Variants in DLG3 observed in about 807,000 individuals in gnomAD.
The protein encoded by DLG3 is disks large homolog 3.
DLG3 carries 1 observed loss-of-function variant against 64.1 expected under a neutral mutation model. That is an observed-to-expected ratio of 0.02 (90% CI 0.01 to 0.07). The LOEUF is 0.07. Ranked by LOEUF, DLG3 falls within the 10% of genes least tolerant of loss-of-function variation. DLG3 has a pLI of 1.00. For synonymous variants in DLG3, 245 were observed against 259.8 expected (o/e 0.94, Z 0.55); for missense variants, 429 against 669.5 (o/e 0.64, Z 3.96).
chrX:70,464,177 C>T (rs911065463), intron 9 of DLG3, among the ~76,000 whole-genome samples: 4 of 101,838 alleles, frequency 3.9e-5, no homozygotes, highest in East Asian at 3.0e-4. Context: ...TATTTCCTTC[C>T]TTCCTTTTTT....
At chrX:70,493,287 AT>A in intron 12 of DLG3, 1 of 768,356 alleles carries the variant, frequency 1.3e-6, no homozygotes, top group South Asian at 2.3e-5. Flanking sequence ...CGTTGTCTCC[AT>A]TTTAGTTTTT....
chrX:70,453,863 C>A, intron 8 of DLG3, 70 bp downstream of exon 8: 2 of 996,789 alleles, frequency 2.0e-6, no homozygotes, highest in East Asian at 3.3e-5. Context: ...AGAGACCTTA[C>A]TTCCTCCGAG....
chrX:70,500,692 G>T, intron 17 of DLG3, 112 bp downstream of exon 17: 1 of 738,490 alleles, frequency 1.4e-6, no homozygotes. Context: ...CTGTGCCCCA[G>T]CTCTGGTCAC....
chrX:70,468,506 C>T (rs2086920432), intron 9 of DLG3, among the ~76,000 whole-genome samples: 1 of 111,503 alleles, frequency 9.0e-6, no homozygotes, highest in Non-Finnish European at 1.9e-5. Flanking sequence ...TTTCTGTTTT[C>T]TTCTCAGTAT....
At chrX:70,452,777 C>G (rs752468086) in intron 7 of DLG3, 2 of 1,147,497 alleles carry the variant, frequency 1.7e-6, no homozygotes, top group Non-Finnish European at 2.3e-6. Context: ...GGGCTAGGAG[C>G]AAGAGCATCC....
intron 12 of DLG3, among the ~76,000 whole-genome samples, chrX:70,492,953 C>T (rs1379407928): frequency 8.9e-6 from 1 of 112,077 alleles, no homozygotes; most frequent in Non-Finnish European, 1.9e-5. Flanking sequence ...TCCCACCTCC[C>T]TTCAGACCAC....
intron 9 of DLG3, among the ~76,000 whole-genome samples, chrX:70,459,421 C>G (rs1367359215): frequency 1.8e-5 from 2 of 112,235 alleles, no homozygotes; most frequent in Non-Finnish European, 1.9e-5. Context: ...TTCTATCTCC[C>G]CCTTTTTGAG....
intron 1 of DLG3, among the ~76,000 whole-genome samples, chrX:70,447,703 G>A (rs191662914): frequency 1.4e-4 from 16 of 112,324 alleles, no homozygotes; most frequent in African/African-American, 3.9e-4. Flanking sequence ...GGGGTGCCAG[G>A]GTACCTGGGG....
intron 4 of DLG3, 144 bp downstream of exon 4, chrX:70,450,003 G>C: frequency 3.1e-6 from 3 of 982,983 alleles, no homozygotes; most frequent in Non-Finnish European, 4.2e-6. Flanking sequence ...TTGACCTCAG[G>C]CCTCACCCTT....
chrX:70,497,072 C>A, intron 13 of DLG3: 1 of 816,522 alleles, frequency 1.2e-6, no homozygotes. Flanking sequence ...GGTGGCCTGA[C>A]TCAGTTGGCA....
chrX:70,492,454 C>T, intron 11 of DLG3, 67 bp from the exon 12 acceptor site: 2 of 1,137,264 alleles, frequency 1.8e-6, no homozygotes, highest in Non-Finnish European at 2.4e-6. Flanking sequence ...GGCTGCTGTG[C>T]CTGCTGCAAC....
Position 70,449,999 on chromosome X carries a change from T to A in DLG3, c.703+140T>A, listed in dbSNP as rs905244075. 4 of 987,505 alleles carry A rather than the reference T, an allele frequency of 4.1e-6. No homozygotes were observed. The Admixed American group carries it at 8.0e-5, about 20-fold the overall frequency. The allele number at this position is 987,505 out of a possible 1,213,427, so 81.4% of individuals were successfully genotyped here. A position where few individuals can be genotyped will look rare whatever the true frequency, so the allele number is the denominator to read the frequency against. ...CAACTCACAGCCTACTTTTTTGACCTCAGGCCTCACCCTTACTCATCTCAG... is the reference window on the plus strand; with the variant it reads ...CAACTCACAGCCTACTTTTTTGACCACAGGCCTCACCCTTACTCATCTCAG... On this transcript the variant is annotated intron_variant, in intron 4 of 18. Coordinates refer to ENST00000374360, the MANE Select transcript of DLG3 (RefSeq NM_021120.4).
chrX:70,457,371 T>G (rs2086726888), intron 9 of DLG3, among the ~76,000 whole-genome samples: 1 of 111,979 alleles, frequency 8.9e-6, no homozygotes, highest in East Asian at 2.8e-4. Flanking sequence ...TGAGGCACCT[T>G]TGCCAAACCA....
At chrX:70,448,506 C>A in intron 1 of DLG3, 1 of 947,927 alleles carries the variant, frequency 1.1e-6, no homozygotes, top group Non-Finnish European at 1.5e-6. Flanking sequence ...CTGTCTAGGC[C>A]ACTGGGTATC....
chrX:70,451,101 G>GT (rs2086612405), intron 6 of DLG3: 2 of 306,299 alleles, frequency 6.5e-6, no homozygotes, highest in South Asian at 6.0e-5. Flanking sequence ...TTCTGTCTTT[G>GT]TTTTTTTGTT....
intron 17 of DLG3, 120 bp from the exon 18 acceptor site, chrX:70,500,778 C>T (rs72549426): frequency 4.6e-4 from 345 of 746,850 alleles, no homozygotes; most frequent in South Asian, 1.1e-3. Flanking sequence ...GAGTTAGCTA[C>T]GGGCCACTGC....
chrX:70,475,863 T>C (rs1311334740), intron 9 of DLG3, among the ~76,000 whole-genome samples: 2 of 112,057 alleles, frequency 1.8e-5, no homozygotes, highest in East Asian at 5.6e-4. Flanking sequence ...GGATTTGCAA[T>C]TGTATTACCA....
intron 1 of DLG3, chrX:70,448,490 G>A: frequency 3.8e-6 from 3 of 792,703 alleles, no homozygotes; most frequent in Non-Finnish European, 5.5e-6. Flanking sequence ...GAAGGGGAAG[G>A]GTTATCTGTC....
chrX:70,480,897 T>G (rs958377241), intron 10 of DLG3, among the ~76,000 whole-genome samples: 1 of 112,350 alleles, frequency 8.9e-6, no homozygotes, highest in Non-Finnish European at 1.9e-5. Context: ...TATGGAGCAC[T>G]CTTCCCTGGC....
Sources: gnomAD v4.1 joint callset for allele counts (sites outside exome capture counted in the v4.1 genomes callset) on GRCh38, gnomAD v4.1.1 for gene constraint, MANE v1.5 for transcripts, NCBI Gene and HGNC (gene_info 2026-07-23, HGNC 2026-07-21) for gene names.